The following L3MBTL4 variants were observed in gnomAD, a reference collection of about 807,000 sequenced individuals.
L3MBTL4 encodes the protein L3MBTL histone methyl-lysine binding protein 4.
A neutral mutation model predicts 84.5 loss-of-function variants in L3MBTL4; 70 were observed. That is an observed-to-expected ratio of 0.83 (90% CI 0.68 to 1.01). L3MBTL4 has a LOEUF of 1.01. Among genes scored for constraint, L3MBTL4 ranks in the 50% least tolerant of loss-of-function variants. L3MBTL4 has a pLI of 0.00. For missense variants in L3MBTL4, 715 were observed against 754.8 expected (o/e 0.95, Z 0.62); for synonymous variants, 274 against 259.8 (o/e 1.05, Z -0.52).
At chr18:5,997,697 T>A (rs2054038351) in intron 16 of L3MBTL4, among the ~76,000 whole-genome samples, 1 of 152,082 alleles carries the variant, frequency 6.6e-6, no homozygotes, top group African/African-American at 2.4e-5. Context: ...CTAAAATGTA[T>A]AAAGCCAAGC....
rs770131553 is a variant in L3MBTL4, at chr18:6,180,414, G to A, written c.982-8472C>T. On this transcript the variant is annotated intron_variant, in intron 12 of 18. Coordinates refer to ENST00000317931, the MANE Select transcript of L3MBTL4 (RefSeq NM_001330559.2). ...AGTGCTGTTCTGTGGTTTTGGAACCGGCTGCCCCTAGGTTTGTTCCTTACC... is the reference window on the plus strand; with the variant it reads ...AGTGCTGTTCTGTGGTTTTGGAACCAGCTGCCCCTAGGTTTGTTCCTTACC... Among the ~76,000 whole-genome samples the A allele has an allele frequency of 5.3e-5, 8 of 151,954 alleles. No individual in the cohort carries two copies. In the East Asian group the frequency reaches 9.7e-4, roughly 18 times the overall value.
At chr18:6,071,824 GAAAGAAAGAA>G (rs2057662244) in intron 16 of L3MBTL4, among the ~76,000 whole-genome samples, 3 of 121,484 alleles carry the variant, frequency 2.5e-5, no homozygotes, top group South Asian at 2.5e-4. Flanking sequence ...AGGAAAGAAA[GAAAGAAAGAA>G]AGAGAAAGAG....
chr18:6,374,987 T>G (rs906986509), intron 1 of L3MBTL4, among the ~76,000 whole-genome samples: 1 of 152,174 alleles, frequency 6.6e-6, no homozygotes, highest in Non-Finnish European at 1.5e-5. Context: ...AAATTCCCAA[T>G]AGTATGAAAA....
At chr18:6,310,106 C>T (rs562249321) in intron 3 of L3MBTL4, among the ~76,000 whole-genome samples, 47 of 152,240 alleles carry the variant, frequency 3.1e-4, no homozygotes, top group Admixed American at 2.2e-3. Context: ...GTCCAGGGAC[C>T]ACATGTGGAG....
At chr18:6,358,457 C>T (rs1022816714) in intron 1 of L3MBTL4, among the ~76,000 whole-genome samples, 3 of 152,178 alleles carry the variant, frequency 2.0e-5, no homozygotes, top group Non-Finnish European at 4.4e-5. Flanking sequence ...AAAGGTATCA[C>T]ATGATCAATG....
Position 6,313,663 on chromosome 18 carries a change from G to C in L3MBTL4, c.-90-1607C>G, listed in dbSNP as rs187898006. The stretch of plus-strand genomic sequence containing the variant: ...CTGCCAAAGCTGGCCTGACTTTCAC[G>C]ACAAATAATACCCCATGACTTGTCA... On this transcript the variant is annotated intron_variant, in intron 1 of 18. Transcript: ENST00000317931. 2.0e-5 allele frequency among the ~76,000 whole-genome samples: 3 copies of C among 152,218 alleles called. No individual in the cohort carries two copies. In the East Asian group the frequency reaches 5.8e-4, roughly 29 times the overall value.
intron 16 of L3MBTL4, among the ~76,000 whole-genome samples, chr18:6,025,589 C>T (rs1248962565): frequency 6.6e-6 from 1 of 152,200 alleles, no homozygotes. Flanking sequence ...AGGACTGCTG[C>T]TCTATATTCT....
chr18:6,383,377 C>T (rs569016195), intron 1 of L3MBTL4, among the ~76,000 whole-genome samples: 199 of 152,240 alleles, frequency 1.3e-3, no homozygotes, highest in African/African-American at 4.5e-3. Context: ...ACTCCTGCAG[C>T]TAGTTTTGTG....
intron 18 of L3MBTL4, among the ~76,000 whole-genome samples, chr18:5,957,230 T>C (rs1457474630): frequency 6.6e-6 from 1 of 152,232 alleles, no homozygotes; most frequent in East Asian, 1.9e-4. Flanking sequence ...GAATGATTCC[T>C]GGCTCCAGAT....
intron 4 of L3MBTL4, among the ~76,000 whole-genome samples, chr18:6,291,258 A>C (rs978156869): frequency 2.8e-4 from 42 of 152,186 alleles, no homozygotes; most frequent in African/African-American, 9.4e-4. Flanking sequence ...CTTTCAGTTC[A>C]TCTAGTTGGC....
intron 3 of L3MBTL4, among the ~76,000 whole-genome samples, chr18:6,305,962 C>T (rs896225994): frequency 1.3e-5 from 2 of 152,192 alleles, no homozygotes; most frequent in Non-Finnish European, 2.9e-5. Flanking sequence ...GATAATACCC[C>T]TTTGCTCTCC....
intron 16 of L3MBTL4, chr18:6,031,577 T>C: frequency 4.2e-6 from 4 of 943,458 alleles, no homozygotes; most frequent in Non-Finnish European, 5.1e-6. Flanking sequence ...GCAGGGCTCA[T>C]TCACATGTTT....
intron 1 of L3MBTL4, among the ~76,000 whole-genome samples, chr18:6,351,217 A>T (rs2053169059): frequency 6.6e-6 from 1 of 152,152 alleles, no homozygotes; most frequent in Admixed American, 6.5e-5. Context: ...ATACTACAAC[A>T]TAAATGAATC....
chr18:6,182,323 T>C (rs1444716298), intron 12 of L3MBTL4, among the ~76,000 whole-genome samples: 1 of 152,230 alleles, frequency 6.6e-6, no homozygotes, highest in Non-Finnish European at 1.5e-5. Flanking sequence ...GTTCATATAC[T>C]TTGCCCACTT....
chr18:5,986,821 C>T (rs2053483609), intron 16 of L3MBTL4, among the ~76,000 whole-genome samples: 1 of 152,242 alleles, frequency 6.6e-6, no homozygotes, highest in South Asian at 2.1e-4. Flanking sequence ...AAACTTCATC[C>T]AGACATCTGA....
chr18:6,230,959 C>A (rs1044392736), intron 10 of L3MBTL4, among the ~76,000 whole-genome samples: 13 of 151,906 alleles, frequency 8.6e-5, no homozygotes, highest in Non-Finnish European at 1.5e-4. Flanking sequence ...AGTTTAAGTT[C>A]CTTATGGATT....
chr18:6,171,986 T>G (rs1194837016), intron 12 of L3MBTL4, 44 bp from the exon 13 acceptor site: 2 of 919,844 alleles, frequency 2.2e-6, no homozygotes, highest in African/African-American at 3.4e-5. Context: ...GTAATTAGGA[T>G]TTCACTATTC....
chr18:6,111,708 C>A (rs1052886064), intron 14 of L3MBTL4, among the ~76,000 whole-genome samples: 3 of 152,016 alleles, frequency 2.0e-5, no homozygotes, highest in Non-Finnish European at 2.9e-5. Context: ...TTATAATTGA[C>A]AAAATTATAT....
chr18:6,242,562 A>T (rs899665847), intron 7 of L3MBTL4, among the ~76,000 whole-genome samples: 1 of 152,346 alleles, frequency 6.6e-6, no homozygotes, highest in East Asian at 1.9e-4. Flanking sequence ...GGACTCTGCC[A>T]TCAGCCTCAG....
Sources: allele counts gnomAD v4.1 joint callset (sites outside exome capture counted in the v4.1 genomes callset), GRCh38; gene constraint gnomAD v4.1.1; transcripts MANE v1.5; gene names NCBI Gene and HGNC (gene_info 2026-07-23, HGNC 2026-07-21).